Variants in VPS8 observed in about 807,000 individuals in gnomAD.
The protein encoded by VPS8 is VPS8 subunit of CORVET complex.
VPS8 carries 129 observed loss-of-function variants against 216.4 expected under a neutral mutation model. The observed-to-expected ratio is 0.60, with a 90% CI of 0.52 to 0.69. The LOEUF (loss-of-function observed/expected upper bound fraction) is 0.69. VPS8 is among the 30% of genes least tolerant of loss of function. VPS8 has a pLI of 0.00. For missense variants in VPS8, 1,531 were observed against 1,683.5 expected (o/e 0.91, Z 1.59); for synonymous variants, 571 against 565.4 (o/e 1.01, Z -0.14).
chr3:184,992,313 G>A lies in VPS8; in HGVS notation c.3586-1670G>A, dbSNP rs145226727. ...TAAGAAATAGCCAGACATGTTTCTC[G>A]TGTTTTCCAGCAATCATTAGTTTAT... On this transcript the variant is annotated intron_variant, in intron 42 of 47. Coordinates refer to ENST00000625842, the MANE Select transcript of VPS8 (RefSeq NM_001009921.3). Among the ~76,000 whole-genome samples the A allele has an allele frequency of 8.5e-5, 13 of 152,118 alleles. No individual in the cohort carries two copies. The East Asian group carries it at 1.9e-3, about 23-fold the overall frequency.
rs116661841 is a variant in VPS8, at chr3:184,812,175, G to A, written c.-139G>A. The A allele has an allele frequency of 0.022, 3,301 of 152,560 alleles. 44 individuals are homozygous for A. Among genetic ancestry groups the A allele is most frequent in the South Asian group, 0.047 (228 of 4,840 alleles). 9.5% of individuals were successfully genotyped at this position (152,560 alleles called of 1,614,324 possible). ...GCGCGTGCGTGAGGCTAGAGCAGTG[G>A]GTGCGGTCACGTGGGCCGGCGGTCC... On this transcript the variant is annotated 5_prime_UTR_variant, in exon 1 of 48. Coordinates refer to ENST00000625842, the MANE Select transcript of VPS8 (RefSeq NM_001009921.3).
intron 21 of VPS8, among the ~76,000 whole-genome samples, chr3:184,875,513 CA>C (rs1338349700): frequency 6.6e-6 from 1 of 152,106 alleles, no homozygotes; most frequent in Non-Finnish European, 1.5e-5. Flanking sequence ...TTTTCTGTCT[CA>C]TACATCTTGA....
At chr3:184,986,273 A>G (rs1751054635) in intron 42 of VPS8, among the ~76,000 whole-genome samples, 1 of 152,186 alleles carries the variant, frequency 6.6e-6, no homozygotes, top group East Asian at 1.9e-4. Flanking sequence ...GTACTTTTGG[A>G]AAGTTACAAG....
intron 9 of VPS8, 99 bp from the exon 10 acceptor site, chr3:184,849,837 T>TTATATATA (rs1723918656): frequency 1.1e-6 from 1 of 882,670 alleles, no homozygotes; most frequent in African/African-American, 1.7e-5. Context: ...CCTGCAATGT[T>TTATATATA]TATAGTCAAG....
chr3:185,039,447 T>C (rs920896039), intron 46 of VPS8, among the ~76,000 whole-genome samples: 1 of 151,934 alleles, frequency 6.6e-6, no homozygotes, highest in South Asian at 2.1e-4. Flanking sequence ...GGAGCCAACA[T>C]GTCCAGAGAT....
chr3:184,822,151 AT>A (rs1717745999), intron 1 of VPS8, among the ~76,000 whole-genome samples: 1 of 151,944 alleles, frequency 6.6e-6, no homozygotes, highest in Admixed American at 6.6e-5. Context: ...TATTTATTTT[AT>A]TTTTTGGGGG....
chr3:185,039,862 C>G (rs539200378), intron 46 of VPS8, among the ~76,000 whole-genome samples: 2 of 152,198 alleles, frequency 1.3e-5, no homozygotes, highest in South Asian at 4.1e-4. Flanking sequence ...TTGCTTCTAG[C>G]CAATTTCAAC....
chr3:184,889,962 A>G (rs1462127251), intron 22 of VPS8, among the ~76,000 whole-genome samples: 4 of 152,196 alleles, frequency 2.6e-5, no homozygotes, highest in Non-Finnish European at 4.4e-5. Flanking sequence ...TATTAGATAC[A>G]AGAATTCTAT....
At chr3:184,946,115 T>C (rs1363802325) in intron 36 of VPS8, among the ~76,000 whole-genome samples, 1 of 152,224 alleles carries the variant, frequency 6.6e-6, no homozygotes, top group East Asian at 1.9e-4. Flanking sequence ...TTACGATGTC[T>C]GGCCATATGA....
intron 46 of VPS8, among the ~76,000 whole-genome samples, chr3:185,037,416 C>G (rs1759069486): frequency 6.6e-6 from 1 of 152,110 alleles, no homozygotes; most frequent in Non-Finnish European, 1.5e-5. Context: ...TATGTACTTT[C>G]AGATATATTA....
In VPS8 at chr3:184,886,134, T is replaced by C. The variant is rs1391267448; in HGVS notation, c.1759T>C (p.Tyr587His). The C allele has an allele frequency of 3.1e-6, 5 of 1,609,742 alleles. No individual in the cohort carries two copies. The South Asian group carries it at 5.6e-5, about 18-fold the overall frequency. ...FQDMVPVIVDYCLLLQRKDLL... is the reference protein window; with the variant it reads ...FQDMVPVIVDHCLLLQRKDLL... The stretch of plus-strand genomic sequence containing the variant: ...GGATATGGTGCCTGTCATAGTTGAT[T>C]ACTGCCTTCTGCTGCAGCGAAAGTG... Residue 587 changes from tyrosine to histidine, a missense_variant, in exon 22 of 48, where the codon TAC becomes CAC. Physicochemically the swap from Tyr to His is moderately conservative, Grantham distance 83. Around this residue, in one of 3 missense-constraint regions of VPS8, gnomAD observed 1,318 missense variants for 1,468.4 expected, o/e 0.90. Coordinates refer to ENST00000625842, the MANE Select transcript of VPS8 (RefSeq NM_001009921.3).
chr3:185,034,127 A>T (rs1365178314), intron 46 of VPS8, among the ~76,000 whole-genome samples: 1 of 152,162 alleles, frequency 6.6e-6, no homozygotes, highest in Non-Finnish European at 1.5e-5. Context: ...CTCACTTATA[A>T]GTGAGAACAT....
intron 42 of VPS8, among the ~76,000 whole-genome samples, chr3:184,987,460 T>C (rs1322560519): frequency 6.6e-6 from 1 of 152,088 alleles, no homozygotes; most frequent in Non-Finnish European, 1.5e-5. Context: ...TCTTCCAGAA[T>C]GTCATATAGT....
At chr3:185,007,407 G>A (rs745817188) in intron 45 of VPS8, among the ~76,000 whole-genome samples, 1 of 152,110 alleles carries the variant, frequency 6.6e-6, no homozygotes, top group African/African-American at 2.4e-5. Flanking sequence ...ATTCATAGTA[G>A]CAAATAACAA....
At chr3:185,004,753 T>C (rs1753998576) in intron 45 of VPS8, among the ~76,000 whole-genome samples, 1 of 152,166 alleles carries the variant, frequency 6.6e-6, no homozygotes, top group Admixed American at 6.5e-5. Context: ...TTGTAGATTC[T>C]GGTTGTTAGT....
At position 184,928,502 on chromosome 3, in the gene VPS8, C is replaced by G. The variant is rs1740090471; in HGVS notation, c.2683C>G (p.Arg895Gly). ...AGGCATAGTTCAATTTGAAGAGAGT[C>G]GACTCATCCGGATGGCAGAAAAAGC... ...AGGIVQFEES[R>G]LIRMAEKAEF... Residue 895 changes from arginine (R) to glycine (G), a missense_variant, in exon 32 of 48, where the codon CGA (arginine) becomes GGA (glycine). Coordinates refer to ENST00000625842, the MANE Select transcript of VPS8 (RefSeq NM_001009921.3). The G allele has an allele frequency of 6.5e-7, 1 of 1,532,408 alleles. No homozygotes were observed. Among genetic ancestry groups the G allele is most frequent in the Non-Finnish European group, 8.7e-7 (1 of 1,151,414 alleles). The allele number at this position is 1,532,408 out of a possible 1,614,324, so 94.9% of individuals were successfully genotyped here. A position where few individuals can be genotyped will look rare whatever the true frequency, so the allele number is the denominator to read the frequency against.
At position 184,860,269 on chromosome 3, in the gene VPS8, G is replaced by T. The variant is rs1335345208; in HGVS notation, c.1224+204G>T. On this transcript the variant is annotated intron_variant, in intron 15 of 47. Transcript: ENST00000625842. The stretch of plus-strand genomic sequence containing the variant: ...GGATAGCTTAAGCCCAGGAGTTCGA[G>T]GCTGTAGTGCTCAGTGATCGCTCCT... Among the ~76,000 whole-genome samples the T allele has an allele frequency of 4.6e-5, 7 of 151,790 alleles. 1 individual carries two copies. In the South Asian group the frequency reaches 8.3e-4, roughly 18 times the overall value.
chr3:184,976,697 T>C (rs1368522752), intron 40 of VPS8, among the ~76,000 whole-genome samples: 1 of 152,196 alleles, frequency 6.6e-6, no homozygotes, highest in South Asian at 2.1e-4. Flanking sequence ...CTCTCACTTA[T>C]AAATGAGAAC....
chr3:184,907,352 G>A (rs537449418), intron 25 of VPS8, among the ~76,000 whole-genome samples: 131 of 152,342 alleles, frequency 8.6e-4, no homozygotes, highest in African/African-American at 3.0e-3. Flanking sequence ...TCAGAGGGAT[G>A]ACTTTGAGTT....
Sources: allele counts gnomAD v4.1 joint callset (sites outside exome capture counted in the v4.1 genomes callset), GRCh38; gene constraint gnomAD v4.1.1; regional missense constraint gnomAD v4.1.1; transcripts MANE v1.5; gene names NCBI Gene and HGNC (gene_info 2026-07-23, HGNC 2026-07-21).